Variants in APLP2 observed in about 807,000 individuals in gnomAD.
APLP2 encodes CDEI box-binding protein.
Under a neutral mutation model 89.9 loss-of-function variants are expected in APLP2, and 53 were observed. The ratio of observed to expected loss-of-function variants is 0.59; its 90% CI spans 0.47 to 0.74. APLP2 has a LOEUF of 0.74. APLP2 is among the 30% of genes least tolerant of loss of function. The pLI is 0.00. For synonymous variants in APLP2, 372 were observed against 348.6 expected (o/e 1.07, Z -0.75); for missense variants, 973 against 975.9 (o/e 1.00, Z 0.04).
chr11:130,143,728 G>T lies in APLP2; in HGVS notation c.*280G>T, dbSNP rs1233106591. 1 of 338,588 alleles carries T rather than the reference G, an allele frequency of 3.0e-6. No individual in the cohort carries two copies. Among genetic ancestry groups the T allele is most frequent in the African/African-American group, 2.1e-5 (1 of 47,538 alleles). The allele number at this position is 338,588 out of a possible 1,614,324, so 21.0% of individuals were successfully genotyped here. ...GTAGTTTTCTTTTTTAAATTAATCA[G>T]AAACCCCACTTCCATTGTATTGTCT... On this transcript the variant is annotated 3_prime_UTR_variant, in exon 17 of 17. Transcript: ENST00000338167.
At chr11:130,106,751 C>A (rs768047081) in intron 1 of APLP2, among the ~76,000 whole-genome samples, 3 of 151,790 alleles carry the variant, frequency 2.0e-5, no homozygotes, top group Non-Finnish European at 4.4e-5. Context: ...TGCAATTGTG[C>A]AATCTCGGCT....
At chr11:130,102,267 T>G (rs528213980) in intron 1 of APLP2, among the ~76,000 whole-genome samples, 13 of 152,334 alleles carry the variant, frequency 8.5e-5, no homozygotes, top group Admixed American at 7.8e-4. Context: ...TTTACTGACT[T>G]TTCCTTAAAA....
At chr11:130,137,823 T>C (rs1486654729) in intron 13 of APLP2, among the ~76,000 whole-genome samples, 1 of 152,204 alleles carries the variant, frequency 6.6e-6, no homozygotes, top group Non-Finnish European at 1.5e-5. Flanking sequence ...ATCAAACAGC[T>C]GGAGACAACC....
intron 1 of APLP2, among the ~76,000 whole-genome samples, chr11:130,088,174 C>CA (rs1189800705): frequency 6.6e-6 from 1 of 152,082 alleles, no homozygotes; most frequent in Admixed American, 6.5e-5. Context: ...ATTCACTCAG[C>CA]ATAATTGGTT....
In APLP2 at chr11:130,130,994, A is replaced by C. The variant is rs1394103390; in HGVS notation, c.1584+828A>C. On this transcript the variant is annotated intron_variant, in intron 11 of 16. Transcript: ENST00000338167. The stretch of plus-strand genomic sequence containing the variant: ...AGCTGGGGGTCTGTCTCAGTGCCAG[A>C]CTCCACACTGGCATTCAGTGCTGCC... Among the ~76,000 whole-genome samples the C allele has an allele frequency of 5.3e-5, 8 of 152,114 alleles. No homozygotes were observed. In the East Asian group the frequency reaches 1.5e-3, roughly 29 times the overall value.
At chr11:130,083,427 A>T (rs1185287076) in intron 1 of APLP2, among the ~76,000 whole-genome samples, 1 of 152,202 alleles carries the variant, frequency 6.6e-6, no homozygotes, top group African/African-American at 2.4e-5. Flanking sequence ...AGAAAATGTT[A>T]TACAGCAAAT....
At position 130,130,068 on chromosome 11, in the gene APLP2, T is replaced by G; in HGVS notation, c.1486T>G (p.Tyr496Asp). Residue 496 changes from tyrosine to aspartate, a missense_variant, in exon 11 of 17, where the codon TAT becomes GAT. Tyr to Asp is a radical substitution (Grantham distance 160, BLOSUM62 -3). Coordinates refer to ENST00000338167, the MANE Select transcript of APLP2 (RefSeq NM_001142276.2). ...PHRILQALRR[Y>D]VRAENKDRLH... is the part of the protein sequence containing the mutation. Reference sequence around the variant, plus strand: ...TCGCATTCTCCAGGCCTTACGGCGTTATGTCCGTGCTGAGAACAAAGATCG... The same window carrying G: ...TCGCATTCTCCAGGCCTTACGGCGTGATGTCCGTGCTGAGAACAAAGATCG... 6.2e-7 allele frequency: 1 copy of G among 1,614,246 alleles called. No individual in the cohort carries two copies.
chr11:130,081,943 A>G (rs767962134), intron 1 of APLP2, among the ~76,000 whole-genome samples: 72 of 152,286 alleles, frequency 4.7e-4, no homozygotes, highest in South Asian at 1.2e-3. Context: ...CTTTATGGTA[A>G]TTGGTTCGTT....
At chr11:130,143,295 G>C (rs1952643315) in intron 16 of APLP2, 52 bp from the exon 17 acceptor site, 9 of 1,524,378 alleles carry the variant, frequency 5.9e-6, no homozygotes, top group Middle Eastern at 1.7e-4. Flanking sequence ...CCAGCACCCT[G>C]TGCAGGTCTC....
intron 1 of APLP2, among the ~76,000 whole-genome samples, chr11:130,096,142 T>A (rs894050413): frequency 3.3e-5 from 5 of 152,008 alleles, no homozygotes; most frequent in Non-Finnish European, 7.4e-5. Context: ...AGGCTTCGAG[T>A]TCTGGGAGTT....
chr11:130,135,741 C>T (rs375218911), intron 13 of APLP2, 26 bp downstream of exon 13: 1 of 1,611,430 alleles, frequency 6.2e-7, no homozygotes, highest in East Asian at 2.2e-5. Flanking sequence ...GGTGCCACTT[C>T]TGGGCAGCAG....
rs373049325 is a variant in APLP2, at chr11:130,094,946, C to T, written c.106-14483C>T. ...GGGTCAGCTAGTGTGTCTGACTACA[C>T]TGAAGGGAATTTTACTGATCTTTTC... On this transcript the variant is annotated intron_variant, in intron 1 of 16. Transcript: ENST00000338167. Among the ~76,000 whole-genome samples, 13 of 152,296 alleles carry T rather than the reference C, an allele frequency of 8.5e-5. No individual in the cohort carries two copies. In the East Asian group the frequency reaches 1.3e-3, roughly 16 times the overall value.
chr11:130,102,774 C>T (rs775398719), intron 1 of APLP2, among the ~76,000 whole-genome samples: 17 of 152,174 alleles, frequency 1.1e-4, no homozygotes, highest in Admixed American at 1.0e-3. Flanking sequence ...AGGTTTTCGA[C>T]CAAGTTACTA....
rs1952673238 is a variant in APLP2 at position 130,143,538 on chromosome 11, C to G, written c.*90C>G. On this transcript the variant is annotated 3_prime_UTR_variant, in exon 17 of 17. Coordinates refer to ENST00000338167, the MANE Select transcript of APLP2 (RefSeq NM_001142276.2). Reference sequence around the variant, plus strand: ...ATCGACTGCCAAGCAGCAGCCGCTGCCAGGGGCTGCGTCTGACATCCTGAC... The same window carrying G: ...ATCGACTGCCAAGCAGCAGCCGCTGGCAGGGGCTGCGTCTGACATCCTGAC... 5.5e-6 allele frequency: 6 copies of G among 1,094,446 alleles called. No individual in the cohort carries two copies. Among genetic ancestry groups the G allele is most frequent in the African/African-American group, 1.5e-5 (1 of 64,846 alleles). The allele number at this position is 1,094,446 out of a possible 1,614,324, so 67.8% of individuals were successfully genotyped here.
chr11:130,126,607 T>C, intron 7 of APLP2, 93 bp from the exon 8 acceptor site: 1 of 1,471,150 alleles, frequency 6.8e-7, no homozygotes, highest in Non-Finnish European at 9.4e-7. Flanking sequence ...ACAAAACAAA[T>C]TGAGTCCATC....
intron 1 of APLP2, among the ~76,000 whole-genome samples, chr11:130,090,187 T>C (rs1340598698): frequency 6.6e-6 from 1 of 152,108 alleles, no homozygotes; most frequent in Non-Finnish European, 1.5e-5. Flanking sequence ...ATATTCATAG[T>C]AGCTGTTGAA....
rs768630207 is a variant in APLP2, at chr11:130,141,221, G to A, written c.1924-277G>A. The A allele has an allele frequency of 3.4e-5, 13 of 379,640 alleles. No homozygotes were observed. Among genetic ancestry groups the A allele is most frequent in the Non-Finnish European group, 5.7e-5 (12 of 208,900 alleles). 23.5% of individuals were successfully genotyped at this position (379,640 alleles called of 1,614,324 possible). ...GCGCCTGGTGTAAACGGGGCTTTTT[G>A]GCAGTCTGTTCTGAGATACGTCTCC... On this transcript the variant is annotated intron_variant, in intron 14 of 16. Transcript: ENST00000338167. The surrounding 1 kb of genome is among the most constrained non-coding windows in gnomAD (Gnocchi z 4.2).
chr11:130,104,989 G>T (rs1947459833), intron 1 of APLP2, among the ~76,000 whole-genome samples: 1 of 152,118 alleles, frequency 6.6e-6, no homozygotes. Context: ...TGGTAAATTG[G>T]TCCTGGAAAA....
intron 1 of APLP2, 56 bp from the exon 2 acceptor site, chr11:130,109,373 G>C (rs1379937356): frequency 3.3e-6 from 5 of 1,505,674 alleles, no homozygotes; most frequent in Non-Finnish European, 4.5e-6. Flanking sequence ...CTGAATGACT[G>C]TTGCCTCTGT....
Sources: gnomAD v4.1 joint callset for allele counts (sites outside exome capture counted in the v4.1 genomes callset) on GRCh38, gnomAD v4.1.1 for gene constraint, Gnocchi (gnomAD v3.1) non-coding constraint, MANE v1.5 for transcripts, NCBI Gene and HGNC (gene_info 2026-07-23, HGNC 2026-07-21) for gene names.